Variants in POC5 observed in about 807,000 individuals in gnomAD.
The protein encoded by POC5 is POC5 centriolar protein.
Under a neutral mutation model 62.9 loss-of-function variants are expected in POC5, and 48 were observed. The observed-to-expected ratio is 0.76, with a 90% CI of 0.61 to 0.97. The LOEUF is 0.97. Among genes scored for constraint, POC5 ranks in the 50% least tolerant of loss-of-function variants. The probability of loss-of-function intolerance (pLI) is 0.00; values close to 1 mark genes in which losing one functional copy is unlikely to be tolerated. For synonymous variants in POC5, 236 were observed against 228.2 expected, an observed-to-expected ratio of 1.03 and a Z score of -0.31; for missense variants, 696 against 679.5, an observed-to-expected ratio of 1.02 and a Z score of -0.27.
At chr5:75,709,202 T>C (rs952824257) in intron 2 of POC5, among the ~76,000 whole-genome samples, 1 of 152,182 alleles carries the variant, frequency 6.6e-6, no homozygotes, top group African/African-American at 2.4e-5. Flanking sequence ...TTTTATATAT[T>C]TTAAGGCTAA....
intron 10 of POC5, among the ~76,000 whole-genome samples, chr5:75,684,702 T>G (rs1433625392): frequency 6.6e-6 from 1 of 152,096 alleles, no homozygotes. Context: ...GTTCTTTGTC[T>G]TAATTATCAC....
chr5:75,696,527 C>T (rs972143575), intron 5 of POC5, among the ~76,000 whole-genome samples: 27 of 151,864 alleles, frequency 1.8e-4, no homozygotes, highest in Non-Finnish European at 2.4e-4. Flanking sequence ...AACTAACAAA[C>T]AGAAAGGACA....
chr5:75,702,438 C>T lies in POC5; in HGVS notation c.513+167G>A, dbSNP rs534690818. Among the ~76,000 whole-genome samples the T allele has an allele frequency of 3.3e-5, 5 of 152,108 alleles. No homozygotes were observed. The East Asian group carries it at 7.7e-4, about 23-fold the overall frequency. On this transcript the variant is annotated intron_variant, in intron 5 of 11. Coordinates refer to ENST00000428202, the MANE Select transcript of POC5 (RefSeq NM_001099271.2). ...AGTTTAACAGGCTCCCGCTATGATTCGTAAGTACATTAAAGATTGAGAAGC... is the reference window on the plus strand; with the variant it reads ...AGTTTAACAGGCTCCCGCTATGATTTGTAAGTACATTAAAGATTGAGAAGC...
intron 10 of POC5, among the ~76,000 whole-genome samples, 188 bp from the exon 11 acceptor site, chr5:75,678,138 T>C (rs1446431450): frequency 2.0e-5 from 3 of 151,996 alleles, no homozygotes; most frequent in Non-Finnish European, 4.4e-5. Context: ...AAAATATCCC[T>C]TTAACCTGAG....
intron 4 of POC5, chr5:75,705,382 GA>G (rs1338973678): frequency 1.1e-5 from 2 of 174,204 alleles, no homozygotes; most frequent in Non-Finnish European, 2.4e-5. Context: ...TGAAAGTTGG[GA>G]AACAGTGCAT....
chr5:75,694,600 T>C, intron 6 of POC5, 55 bp downstream of exon 6: 1 of 1,297,934 alleles, frequency 7.7e-7, no homozygotes, highest in Non-Finnish European at 1.0e-6. Flanking sequence ...TAGAATTTAT[T>C]ATCTAGCAAG....
intron 5 of POC5, among the ~76,000 whole-genome samples, chr5:75,698,607 A>G (rs1219232776): frequency 6.6e-6 from 1 of 152,198 alleles, no homozygotes; most frequent in Non-Finnish European, 1.5e-5. Flanking sequence ...TGCCCACAAG[A>G]GAAAGGAGGA....
At chr5:75,679,137 T>G (rs1247801489) in intron 10 of POC5, among the ~76,000 whole-genome samples, 1 of 152,184 alleles carries the variant, frequency 6.6e-6, no homozygotes. Context: ...TTTGTCTTAA[T>G]TTTCAATGCA....
chr5:75,688,887 G>C, intron 9 of POC5, 125 bp downstream of exon 9: 1 of 967,590 alleles, frequency 1.0e-6, no homozygotes, highest in Non-Finnish European at 1.4e-6. Flanking sequence ...ATAGAATTAA[G>C]AATAGCAGCA....
intron 11 of POC5, 98 bp downstream of exon 11, chr5:75,677,676 A>C: frequency 9.8e-7 from 1 of 1,016,588 alleles, no homozygotes; most frequent in Non-Finnish European, 1.3e-6. Flanking sequence ...CAGTCATCAT[A>C]AATTTTTATC....
At chr5:75,703,301 T>C (rs1488237251) in intron 4 of POC5, among the ~76,000 whole-genome samples, 2 of 152,226 alleles carry the variant, frequency 1.3e-5, no homozygotes, top group East Asian at 3.8e-4. Flanking sequence ...TCAATATTAC[T>C]CTGTAAGTTT....
At chr5:75,685,632 C>T (rs754298796) in intron 9 of POC5, 148 bp from the exon 10 acceptor site, 6 of 792,938 alleles carry the variant, frequency 7.6e-6, no homozygotes, top group Non-Finnish European at 9.9e-6. Flanking sequence ...TCAGTTAATA[C>T]AGTTTGTCAG....
chr5:75,705,059 G>C (rs1037922470), intron 4 of POC5, among the ~76,000 whole-genome samples: 1 of 152,114 alleles, frequency 6.6e-6, no homozygotes, highest in African/African-American at 2.4e-5. Context: ...AATTAGCTAG[G>C]TGTGGTGGCA....
chr5:75,693,975 A>C (rs577377648), intron 6 of POC5, among the ~76,000 whole-genome samples: 23 of 152,300 alleles, frequency 1.5e-4, no homozygotes, highest in Admixed American at 1.4e-3. Context: ...AAAATGAAGA[A>C]AGCCTTCATT....
At chr5:75,712,136 T>C (rs1355446759) in intron 2 of POC5, 1 of 201,902 alleles carries the variant, frequency 5.0e-6, no homozygotes, top group African/African-American at 2.4e-5. Flanking sequence ...TTTCATAAAA[T>C]ATTTTCCTAA....
Position 75,683,310 on chromosome 5 carries a change from C to T in POC5, c.1407+1897G>A, listed in dbSNP as rs1775942636. ...AGTGCAGTGGCGTGATCTCAGCTCA[C>T]TGCAACCTCTGCCTCCCTGGTTCAA... On this transcript the variant is annotated intron_variant, in intron 10 of 11. Coordinates refer to ENST00000428202, the MANE Select transcript of POC5 (RefSeq NM_001099271.2). 3.3e-5 allele frequency among the ~76,000 whole-genome samples: 5 copies of T among 151,510 alleles called. 1 individual carries two copies. In the South Asian group the frequency reaches 1.0e-3, roughly 32 times the overall value.
chr5:75,684,194 A>G (rs17563589), intron 10 of POC5, among the ~76,000 whole-genome samples: 25,623 of 152,114 alleles, frequency 0.17, 2,370 homozygotes, highest in South Asian at 0.21. Context: ...ACTACAGAGC[A>G]GTGTTAGTGA....
At chr5:75,681,348 A>G (rs552560099) in intron 10 of POC5, among the ~76,000 whole-genome samples, 4 of 152,296 alleles carry the variant, frequency 2.6e-5, no homozygotes, top group African/African-American at 9.6e-5. Context: ...ATTAGAAGAG[A>G]AACTTTACTA....
At chr5:75,675,666 C>A (rs1775622996) in intron 11 of POC5, among the ~76,000 whole-genome samples, 1 of 152,184 alleles carries the variant, frequency 6.6e-6, no homozygotes, top group African/African-American at 2.4e-5. Flanking sequence ...AGGAGATACT[C>A]TTGCAACAGA....
Sources: allele counts gnomAD v4.1 joint callset (sites outside exome capture counted in the v4.1 genomes callset), GRCh38; gene constraint gnomAD v4.1.1; transcripts MANE v1.5; gene names NCBI Gene and HGNC (gene_info 2026-07-23, HGNC 2026-07-21).